EPB41L4A: variants seen among roughly 807,000 people sequenced by gnomAD.
EPB41L4A encodes the protein band 4.1-like protein 4A.
A neutral mutation model predicts 108.6 loss-of-function variants in EPB41L4A; 100 were observed. That is an observed-to-expected ratio of 0.92 (90% CI 0.78 to 1.09). The LOEUF (loss-of-function observed/expected upper bound fraction) is 1.09, where lower values mean the gene tolerates loss of function less well. EPB41L4A is among the 50% of genes least tolerant of loss of function. The pLI is 0.00. For synonymous variants in EPB41L4A, 319 were observed against 289.0 expected, an observed-to-expected ratio of 1.10 and a Z score of -1.05; for missense variants, 1,030 against 842.7, an observed-to-expected ratio of 1.22 and a Z score of -2.75.
intron 1 of EPB41L4A, among the ~76,000 whole-genome samples, chr5:112,344,091 G>T (rs190996654): frequency 6.6e-6 from 1 of 152,062 alleles, no homozygotes; most frequent in East Asian, 1.9e-4. Flanking sequence ...TTTGATATTT[G>T]ATAATATTAT....
At chr5:112,256,659 T>C (rs1751118435) in intron 9 of EPB41L4A, among the ~76,000 whole-genome samples, 2 of 151,978 alleles carry the variant, frequency 1.3e-5, no homozygotes, top group African/African-American at 4.8e-5. Context: ...TGAATAAAAT[T>C]AGCAAAAAAG....
intron 11 of EPB41L4A, among the ~76,000 whole-genome samples, chr5:112,236,619 C>T (rs564791214): frequency 5.1e-4 from 77 of 152,154 alleles, no homozygotes; most frequent in Non-Finnish European, 7.5e-4. Flanking sequence ...CTCTCTGTTA[C>T]GACAGGACAC....
intron 2 of EPB41L4A, among the ~76,000 whole-genome samples, chr5:112,303,437 A>T (rs1336188380): frequency 6.6e-6 from 1 of 152,194 alleles, no homozygotes; most frequent in African/African-American, 2.4e-5. Flanking sequence ...GGTAGCACTA[A>T]ATGTGTGGGC....
At chr5:112,355,605 C>T (rs1217854650) in intron 1 of EPB41L4A, among the ~76,000 whole-genome samples, 2 of 152,130 alleles carry the variant, frequency 1.3e-5, no homozygotes, top group African/African-American at 4.8e-5. Context: ...ATGTGGAAAA[C>T]AATACTCTTC....
At chr5:112,319,263 A>T (rs193061716) in intron 1 of EPB41L4A, among the ~76,000 whole-genome samples, 2 of 151,716 alleles carry the variant, frequency 1.3e-5, no homozygotes, top group African/African-American at 4.8e-5. Flanking sequence ...CAATCTGAAC[A>T]ACAACAAAAA....
In EPB41L4A at chr5:112,210,096, T is replaced by A. The variant is rs1401182968; in HGVS notation, c.1088-114A>T. On this transcript the variant is annotated intron_variant, in intron 12 of 22. Transcript: ENST00000261486. Reference sequence around the variant, plus strand: ...TTTAGGGACACTGTGGCACATTTTATTGATAAATTATAACCCCAAATAAAT... The same window carrying A: ...TTTAGGGACACTGTGGCACATTTTAATGATAAATTATAACCCCAAATAAAT... The A allele has an allele frequency of 8.2e-6, 5 of 609,740 alleles. No individual in the cohort carries two copies. The African/African-American group carries it at 9.4e-5, about 11-fold the overall frequency. 37.8% of individuals were successfully genotyped at this position (609,740 alleles called of 1,614,324 possible).
At chr5:112,360,361 C>T (rs380363) in intron 1 of EPB41L4A, among the ~76,000 whole-genome samples, 101,337 of 152,096 alleles carry the variant, frequency 0.67, 33,934 homozygotes, top group South Asian at 0.82. Flanking sequence ...CTCGGCTCAC[C>T]GCAACCTCCC....
rs1193247896 is a variant in EPB41L4A, at chr5:112,153,576, T to TATAG, written n.994+4824_994+4825insCTAT. On this transcript the variant is annotated intron_variant and non_coding_transcript_variant, in intron 12 of 13. Coordinates refer to the EPB41L4A transcript ENST00000507810. ...AAAAGAAAAAATATACATATATATA[T>TATAG]AGAGAGAGAGAGAGAGAGAGAGCAA... Among the ~76,000 whole-genome samples the TATAG allele has an allele frequency of 3.3e-4, 48 of 147,470 alleles. 1 individual carries two copies. Among genetic ancestry groups the TATAG allele is most frequent in the African/African-American group, 6.4e-4 (26 of 40,446 alleles).
chr5:112,352,573 T>C (rs1327260208), intron 1 of EPB41L4A, among the ~76,000 whole-genome samples: 1 of 152,248 alleles, frequency 6.6e-6, no homozygotes, highest in Non-Finnish European at 1.5e-5. Context: ...TTAAGTGGAA[T>C]ATTCAATCTG....
chr5:112,213,398 G>C (rs1036911299), intron 12 of EPB41L4A, among the ~76,000 whole-genome samples: 1 of 150,722 alleles, frequency 6.6e-6, no homozygotes, highest in African/African-American at 2.5e-5. Context: ...ACCCAGGCTG[G>C]AGTGCAGTGG....
intron 18 of EPB41L4A, among the ~76,000 whole-genome samples, chr5:112,173,398 C>T (rs1019437680): frequency 6.6e-6 from 1 of 151,992 alleles, no homozygotes; most frequent in African/African-American, 2.4e-5. Flanking sequence ...ATGAACAATA[C>T]ATTAAAAAAA....
In EPB41L4A at chr5:112,339,509, TAG is replaced by T. The variant is rs1491486130; in HGVS notation, c.100-32021_100-32020del. ...ATATATATATATCTATATATATATATAGATATATAGATATATATCTATATATA... is the reference window on the plus strand; with the variant it reads ...ATATATATATATCTATATATATATATATATATAGATATATATCTATATATA... On this transcript the variant is annotated intron_variant, in intron 1 of 22. Transcript: ENST00000261486. Among the ~76,000 whole-genome samples, 333 of 40,708 alleles carry T rather than the reference TAG, an allele frequency of 8.2e-3. 6 individuals carry two copies. Among genetic ancestry groups the T allele is most frequent in the African/African-American group, 0.028 (269 of 9,688 alleles). The allele number at this position is 40,708 out of a possible 152,430, so 26.7% of individuals were successfully genotyped here.
chr5:112,322,058 C>G lies in EPB41L4A; in HGVS notation c.100-14568G>C, dbSNP rs545183340. ...AACCAGTAACAATAACATCTATCAG[C>G]ACATATTATACTTTACGTGTACTAA... On this transcript the variant is annotated intron_variant, in intron 1 of 22. Transcript: ENST00000261486. Among the ~76,000 whole-genome samples, 4 of 152,270 alleles carry G rather than the reference C, an allele frequency of 2.6e-5. No individual in the cohort carries two copies. In the South Asian group the frequency reaches 8.3e-4, roughly 32 times the overall value.
At chr5:112,214,515 G>C (rs1019336566) in intron 12 of EPB41L4A, among the ~76,000 whole-genome samples, 1 of 152,208 alleles carries the variant, frequency 6.6e-6, no homozygotes, top group Admixed American at 6.5e-5. Flanking sequence ...TGTAATCCCA[G>C]CACTTTGGGA....
intron 11 of EPB41L4A, among the ~76,000 whole-genome samples, chr5:112,237,514 C>T (rs1240015253): frequency 6.6e-6 from 1 of 152,158 alleles, no homozygotes; most frequent in Non-Finnish European, 1.5e-5. Context: ...TACACAATTA[C>T]ACACACAAAC....
At chr5:112,352,559 T>C (rs1758113801) in intron 1 of EPB41L4A, among the ~76,000 whole-genome samples, 1 of 152,238 alleles carries the variant, frequency 6.6e-6, no homozygotes, top group South Asian at 2.1e-4. Context: ...AATCAGTCTA[T>C]ATCTTAAGTG....
chr5:112,186,656 G>C (rs1016513598), intron 17 of EPB41L4A, among the ~76,000 whole-genome samples: 1 of 152,222 alleles, frequency 6.6e-6, no homozygotes, highest in African/African-American at 2.4e-5. Context: ...CCTTTGGAGA[G>C]TCACAACAGA....
At chr5:112,188,789 C>T (rs541023858) in intron 17 of EPB41L4A, among the ~76,000 whole-genome samples, 21 of 152,064 alleles carry the variant, frequency 1.4e-4, no homozygotes, top group Admixed American at 1.2e-3. Context: ...TCAAGCAAGA[C>T]GGAAGAAATG....
chr5:112,419,828 C>T (rs1209476039), upstream of EPB41L4A: 1 of 456,756 alleles, frequency 2.2e-6, no homozygotes, highest in East Asian at 7.0e-5. Context: ...GAGCTCATTA[C>T]GGGTGGCCGT....
Sources: allele counts gnomAD v4.1 joint callset (sites outside exome capture counted in the v4.1 genomes callset), GRCh38; gene constraint gnomAD v4.1.1; transcripts MANE v1.5; gene names NCBI Gene and HGNC (gene_info 2026-07-23, HGNC 2026-07-21).